SARS2: variants seen among roughly 807,000 people sequenced by gnomAD.
SARS2 encodes seryl-tRNA synthetase 2, mitochondrial.
A neutral mutation model predicts 66.8 loss-of-function variants in SARS2; 52 were observed. That is an observed-to-expected ratio of 0.78 (90% confidence interval 0.62 to 0.98). SARS2 has a LOEUF of 0.98. SARS2 is among the 50% of genes least tolerant of loss of function. SARS2 has a pLI of 0.00. For missense variants in SARS2, 673 were observed against 706.3 expected (o/e 0.95, Z 0.53); for synonymous variants, 306 against 281.4 (o/e 1.09, Z -0.87).
At chr19:38,929,878 A>G (rs528414615) in intron 1 of SARS2, among the ~76,000 whole-genome samples, 6 of 152,344 alleles carry the variant, frequency 3.9e-5, no homozygotes, top group South Asian at 2.1e-4. Context: ...ATTCCCTTTT[A>G]TAAGTGCTAG....
intron 2 of SARS2, among the ~76,000 whole-genome samples, chr19:38,925,869 TG>T (rs1445793371): frequency 6.6e-6 from 1 of 152,070 alleles, no homozygotes; most frequent in Non-Finnish European, 1.5e-5. Context: ...CAGGCTGGAG[TG>T]CAGTGGCGCC....
chr19:38,919,824 C>A lies in SARS2; in HGVS notation c.697G>T (p.Gly233Trp). The stretch of plus-strand genomic sequence containing the variant: ...CCGTGCTGCAGGAGGGCTCCAGCCC[C>A]GCGCAGGTAATAGGACCGGTGGCCA... ...VSGHRSYYLR[G>W]AGALLQHGLV... Residue 233 changes from glycine (G) to tryptophan (W), a missense_variant, in exon 7 of 16, where the codon GGG becomes TGG. Physicochemically the swap from Gly to Trp is radical, Grantham distance 184. Coordinates refer to ENST00000221431, the MANE Select transcript of SARS2 (RefSeq NM_017827.4). 1 of 1,614,154 alleles carries A rather than the reference C, an allele frequency of 6.2e-7. No homozygotes were observed. The highest frequency in any genetic ancestry group is 8.5e-7 in the Non-Finnish European group (1 of 1,180,034).
intron 3 of SARS2, 148 bp downstream of exon 3, chr19:38,922,090 T>C: frequency 6.2e-7 from 1 of 1,600,598 alleles, no homozygotes; most frequent in Non-Finnish European, 8.5e-7. Context: ...TGAAGCCAGT[T>C]TTAGTTTCAT....
intron 5 of SARS2, among the ~76,000 whole-genome samples, chr19:38,920,930 C>T (rs1465661570): frequency 3.1e-4 from 37 of 118,010 alleles, no homozygotes; most frequent in Non-Finnish European, 4.1e-4. Flanking sequence ...GAGATAGACA[C>T]ACACATAGAC....
At chr19:38,925,943 A>T (rs915251784) in intron 2 of SARS2, among the ~76,000 whole-genome samples, 4 of 152,062 alleles carry the variant, frequency 2.6e-5, no homozygotes, top group Admixed American at 6.5e-5. Context: ...CAGCCTCCCA[A>T]GTACCTGGGA....
chr19:38,918,629 G>A, intron 8 of SARS2, 99 bp from the exon 9 acceptor site: 1 of 1,381,548 alleles, frequency 7.2e-7, no homozygotes, highest in Non-Finnish European at 1.0e-6. Context: ...AACATCTGGA[G>A]CTGCCCTGGC....
intron 12 of SARS2, among the ~76,000 whole-genome samples, chr19:38,917,396 A>T (rs547603784): frequency 6.6e-6 from 1 of 151,868 alleles, no homozygotes. Context: ...TCCCACCCCC[A>T]CTCTCCACTG....
intron 5 of SARS2, among the ~76,000 whole-genome samples, chr19:38,920,942 C>T (rs1974514387): frequency 9.1e-6 from 1 of 110,406 alleles, no homozygotes; most frequent in African/African-American, 4.0e-5. Context: ...CACATAGACA[C>T]ACACACACAG....
At chr19:38,929,211 T>TGAA (rs1974683522) in intron 1 of SARS2, among the ~76,000 whole-genome samples, 2 of 151,078 alleles carry the variant, frequency 1.3e-5, no homozygotes, top group African/African-American at 2.4e-5. Flanking sequence ...AAAAAAAATG[T>TGAA]CTTTTACTAG....
At chr19:38,928,915 G>A (rs1974676634) in intron 1 of SARS2, among the ~76,000 whole-genome samples, 1 of 152,130 alleles carries the variant, frequency 6.6e-6, no homozygotes, top group South Asian at 2.1e-4. Context: ...ATGTATAGTT[G>A]TATATGTTAA....
rs528692464 is a variant in SARS2 at position 38,916,425 on chromosome 19, G to A, written c.1161-111C>T. On this transcript the variant is annotated intron_variant, in intron 12 of 15. Coordinates refer to ENST00000221431, the MANE Select transcript of SARS2 (RefSeq NM_017827.4). ...AGCCAAAAAGCAGGAAAAAGCCCAG[G>A]AGTTTGAGACCAGCCTGGGCAACAT... is the stretch of plus-strand genomic sequence containing the variant. The A allele has an allele frequency of 1.3e-5, 12 of 944,342 alleles. No individual in the cohort carries two copies. The South Asian group carries it at 1.7e-4, about 13-fold the overall frequency. The allele number at this position is 944,342 out of a possible 1,614,324, so 58.5% of individuals were successfully genotyped here.
chr19:38,916,470 CA>C (rs1169539829), intron 12 of SARS2, among the ~76,000 whole-genome samples, 156 bp from the exon 13 acceptor site: 1 of 151,528 alleles, frequency 6.6e-6, no homozygotes, highest in African/African-American at 2.4e-5. Flanking sequence ...TCATCTACTC[CA>C]AAAAAACAAA....
intron 14 of SARS2, 59 bp from the exon 15 acceptor site, chr19:38,915,965 C>T (rs1974406344): frequency 1.2e-6 from 2 of 1,612,586 alleles, no homozygotes; most frequent in Admixed American, 3.3e-5. Flanking sequence ...GGGGAGGAGC[C>T]AAGGTGGGTG....
chr19:38,927,127 A>T (rs1974641229), intron 1 of SARS2, among the ~76,000 whole-genome samples: 1 of 151,180 alleles, frequency 6.6e-6, no homozygotes. Context: ...TAATAGAGGC[A>T]GGGTTTCACC....
At position 38,916,037 on chromosome 19, in the gene SARS2, C is replaced by T. The variant is rs200404654; in HGVS notation, c.1347G>A (p.Thr449=). ...GGGCAGGAGGCTGTGCGGGCCTCAC[C>T]GTGTGGGCAAACTGCAGCTCCCCAG... ...TEAGELQFAH[T]VNATACAVPR... Residue 449 remains threonine, a splice_region_variant and synonymous_variant, in exon 14 of 16, where the codon ACG becomes ACA. Coordinates refer to ENST00000221431, the MANE Select transcript of SARS2 (RefSeq NM_017827.4). 1.7e-5 allele frequency: 28 copies of T among 1,613,470 alleles called. No individual in the cohort carries two copies. The highest frequency in any genetic ancestry group is 6.7e-5 in the Admixed American group (4 of 60,008).
In SARS2 at chr19:38,915,545, T is replaced by C; in HGVS notation, c.*61A>G. On this transcript the variant is annotated 3_prime_UTR_variant, in exon 16 of 16. Transcript: ENST00000221431. The stretch of plus-strand genomic sequence containing the variant: ...GGCTCAGCAACACAGGTCCCAGGTG[T>C]CCGGGGTCTCCTGAACTCCAGGAAG... 6.3e-7 allele frequency: 1 copy of C among 1,589,552 alleles called. No homozygotes were observed.
At chr19:38,919,696 G>A (rs758259393) in intron 7 of SARS2, 66 bp downstream of exon 7, 18 of 1,230,544 alleles carry the variant, frequency 1.5e-5, no homozygotes, top group South Asian at 2.4e-5. Context: ...TCCCATCCCC[G>A]TTGGGCCCTC....
chr19:38,926,356 T>C (rs1974628612), intron 1 of SARS2, 56 bp from the exon 2 acceptor site: 1 of 1,549,822 alleles, frequency 6.5e-7, no homozygotes, highest in African/African-American at 1.4e-5. Flanking sequence ...TACCCTTCTC[T>C]CTGGAGCCCA....
chr19:38,923,047 G>A (rs1253969709), intron 2 of SARS2, among the ~76,000 whole-genome samples: 1 of 143,376 alleles, frequency 7.0e-6, no homozygotes, highest in Non-Finnish European at 1.5e-5. Context: ...GGGACTACAG[G>A]TGCCCGCCAC....
Sources: gnomAD v4.1 joint callset for allele counts (sites outside exome capture counted in the v4.1 genomes callset) on GRCh38, gnomAD v4.1.1 for gene constraint, MANE v1.5 for transcripts, NCBI Gene and HGNC (gene_info 2026-07-23, HGNC 2026-07-21) for gene names.